Variants in CEP19 observed in about 807,000 individuals in gnomAD.
The protein encoded by CEP19 is centrosomal protein of 19 kDa.
In CEP19, 14 loss-of-function variants were observed where a neutral mutation model predicts 17.5. That is an observed-to-expected ratio of 0.80 (90% CI 0.53 to 1.25). The LOEUF (loss-of-function observed/expected upper bound fraction) is 1.25, where lower values mean the gene tolerates loss of function less well. Among genes scored for constraint, CEP19 ranks in the 50% most tolerant of loss-of-function variants. The pLI, the probability that CEP19 is intolerant of heterozygous loss-of-function variation, is 0.00. For synonymous variants in CEP19, 59 were observed against 65.5 expected (o/e 0.90, Z 0.48); for missense variants, 193 against 192.0 (o/e 1.01, Z -0.03).
Position 196,708,562 on chromosome 3 carries a change from G to A in CEP19, c.96C>T (p.Arg32=), listed in dbSNP as rs371719259. The A allele has an allele frequency of 3.1e-6, 5 of 1,614,014 alleles. No homozygotes were observed. The highest frequency in any genetic ancestry group is 1.6e-4 in the Middle Eastern group (1 of 6,084). Residue 32 remains arginine (R), a synonymous_variant, in exon 2 of 3, where the codon CGC becomes CGT. Transcript: ENST00000409690. ...TTGAAAAGTTTCGAACTGGCATAAT[G>A]CGCTGGCGAATTTTCCCCTTGATTT... ...ESEIKGKIRQ[R]IMPVRNFSKF...
At chr3:196,709,782 C>T (rs1264182079) in intron 1 of CEP19, among the ~76,000 whole-genome samples, 1 of 152,224 alleles carries the variant, frequency 6.6e-6, no homozygotes, top group Non-Finnish European at 1.5e-5. Flanking sequence ...AAAGAATACA[C>T]TTAACCCTAA....
Position 196,707,548 on chromosome 3 carries a change from G to A in CEP19, c.*3C>T. 1 of 1,599,660 alleles carries A rather than the reference G, an allele frequency of 6.3e-7. No individual in the cohort carries two copies. The highest frequency in any genetic ancestry group is 8.5e-7 in the Non-Finnish European group (1 of 1,173,944). On this transcript the variant is annotated 3_prime_UTR_variant, in exon 3 of 3. Coordinates refer to ENST00000409690, the MANE Select transcript of CEP19 (RefSeq NM_032898.5). ...GCCCAATGCATGTTTTGAGTGTTTG[G>A]TATCAGAACTCATCAGCTGACTCTG... is the stretch of plus-strand genomic sequence containing the variant.
chr3:196,710,406 A>G (rs1420410086), intron 1 of CEP19, among the ~76,000 whole-genome samples: 1 of 152,094 alleles, frequency 6.6e-6, no homozygotes, highest in Non-Finnish European at 1.5e-5. Context: ...TTAGCTGGAC[A>G]TAGTGGCAGG....
chr3:196,709,433 A>G (rs1481367487), intron 1 of CEP19, among the ~76,000 whole-genome samples: 1 of 152,234 alleles, frequency 6.6e-6, no homozygotes, highest in East Asian at 1.9e-4. Context: ...ATATCTCAGC[A>G]TAATACCTGG....
chr3:196,707,766 T>A lies in CEP19; in HGVS notation c.277A>T (p.Ile93Phe). ...GGATCAATGGTTGTTTCCCGTTGAA[T>A]TTGTTCCATTGTTTCTGCCAGACTC... is the stretch of plus-strand genomic sequence containing the variant. ...GQSLAETMEQIQRETTIDPEE... is the reference protein window; with the variant it reads ...GQSLAETMEQFQRETTIDPEE... Residue 93 changes from isoleucine (I) to phenylalanine (F), a missense_variant, in exon 3 of 3, where the codon ATT (isoleucine) becomes TTT (phenylalanine). By Grantham distance (21) the Ile-to-Phe change is conservative. Coordinates refer to ENST00000409690, the MANE Select transcript of CEP19 (RefSeq NM_032898.5). 2.5e-6 allele frequency: 4 copies of A among 1,614,218 alleles called. No individual in the cohort carries two copies. Among genetic ancestry groups the A allele is most frequent in the Non-Finnish European group, 3.4e-6 (4 of 1,180,028 alleles).
At position 196,708,739 on chromosome 3, in the gene CEP19, A is replaced by G. The variant is rs1711620576; in HGVS notation, c.-70-12T>C. On this transcript the variant is annotated splice_polypyrimidine_tract_variant and intron_variant, in intron 1 of 2. Coordinates refer to ENST00000409690, the MANE Select transcript of CEP19 (RefSeq NM_032898.5). ...ATAATGACTTCCTGCTAAAGGGAAA[A>G]AACAACTAGGTGTTGGATAAATGTC... The G allele has an allele frequency of 1.4e-6, 2 of 1,417,370 alleles. No homozygotes were observed. The highest frequency in any genetic ancestry group is 1.4e-5 in the African/African-American group (1 of 70,484). The allele number at this position is 1,417,370 out of a possible 1,614,324, so 87.8% of individuals were successfully genotyped here.
rs1207496860 is a variant in CEP19 at position 196,712,214 on chromosome 3, C to A, written c.-356G>T. 1.9e-6 allele frequency: 1 copy of A among 538,436 alleles called. No individual in the cohort carries two copies. Among genetic ancestry groups the A allele is most frequent in the Non-Finnish European group, 3.3e-6 (1 of 300,466 alleles). The allele number at this position is 538,436 out of a possible 1,614,324, so 33.4% of individuals were successfully genotyped here. On this transcript the variant is annotated 5_prime_UTR_variant, in exon 1 of 3. Coordinates refer to ENST00000409690, the MANE Select transcript of CEP19 (RefSeq NM_032898.5). ...CCTCGGCGTACAGGGATTCCAGGTC[C>A]CGGCGAGCGCTGGCCTAGCGGTTTC...
chr3:196,708,672 C>T lies in CEP19; in HGVS notation c.-15G>A. The T allele has an allele frequency of 1.2e-6, 2 of 1,612,900 alleles. No individual in the cohort carries two copies. Among genetic ancestry groups the T allele is most frequent in the South Asian group, 1.1e-5 (1 of 90,940 alleles). The stretch of plus-strand genomic sequence containing the variant: ...GTGCACATCATTCCCATGTACATGT[C>T]CGGGTAAGTCAGAGGAAATCTGATG... On this transcript the variant is annotated 5_prime_UTR_variant, in exon 2 of 3. Coordinates refer to ENST00000409690, the MANE Select transcript of CEP19 (RefSeq NM_032898.5).
At chr3:196,711,763 T>C (rs1237613862) in intron 1 of CEP19, among the ~76,000 whole-genome samples, 166 bp downstream of exon 1, 1 of 152,178 alleles carries the variant, frequency 6.6e-6, no homozygotes, top group African/African-American at 2.4e-5. Context: ...ACGGCACGTT[T>C]ATCCAATTAT....
Position 196,711,966 on chromosome 3 carries a change from A to T in CEP19, c.-108T>A. ...ACAGAAATGACATCGTCTGCAGGCCAACGTCTAAACAACCAGGAGTGGGTT... is the reference window on the plus strand; with the variant it reads ...ACAGAAATGACATCGTCTGCAGGCCTACGTCTAAACAACCAGGAGTGGGTT... On this transcript the variant is annotated 5_prime_UTR_variant, in exon 1 of 3. Transcript: ENST00000409690. 1 of 717,452 alleles carries T rather than the reference A, an allele frequency of 1.4e-6. No individual in the cohort carries two copies. The highest frequency in any genetic ancestry group is 2.6e-6 in the Non-Finnish European group (1 of 385,068). The allele number at this position is 717,452 out of a possible 1,614,324, so 44.4% of individuals were successfully genotyped here. A position where few individuals can be genotyped will look rare whatever the true frequency, so the allele number is the denominator to read the frequency against.
At chr3:196,709,659 G>A (rs1308873559) in intron 1 of CEP19, among the ~76,000 whole-genome samples, 1 of 152,156 alleles carries the variant, frequency 6.6e-6, no homozygotes, top group African/African-American at 2.4e-5. Flanking sequence ...TGTCTGCAGG[G>A]CTTTTATTTT....
chr3:196,711,569 G>A (rs530125686), intron 1 of CEP19, among the ~76,000 whole-genome samples: 1 of 152,204 alleles, frequency 6.6e-6, no homozygotes, highest in South Asian at 2.1e-4. Context: ...CAGGTGATTC[G>A]CCCAAAGTGC....
intron 2 of CEP19, 82 bp from the exon 3 acceptor site, chr3:196,707,994 G>A (rs946497142): frequency 1.7e-5 from 25 of 1,436,342 alleles, no homozygotes; most frequent in African/African-American, 1.4e-4. Context: ...AGCCAAAACA[G>A]AACAAAAACT....
chr3:196,712,196 G>T lies in CEP19; in HGVS notation c.-338C>A, dbSNP rs930659822. 1.8e-6 allele frequency: 1 copy of T among 557,612 alleles called. No homozygotes were observed. Among genetic ancestry groups the T allele is most frequent in the South Asian group, 2.3e-5 (1 of 44,292 alleles). 34.5% of individuals were successfully genotyped at this position (557,612 alleles called of 1,614,324 possible). A position where few individuals can be genotyped will look rare whatever the true frequency, so the allele number is the denominator to read the frequency against. ...CCGGTCCACCGGCTCCCACCTCGGC[G>T]TACAGGGATTCCAGGTCCCGGCGAG... On this transcript the variant is annotated 5_prime_UTR_variant, in exon 1 of 3. Transcript: ENST00000409690.
At chr3:196,708,935 A>G in intron 1 of CEP19, 1 of 354,116 alleles carries the variant, frequency 2.8e-6, no homozygotes, top group Non-Finnish European at 5.1e-6. Flanking sequence ...TATCATTCCA[A>G]TTGTGGGGTA....
chr3:196,709,605 T>C (rs75995487), intron 1 of CEP19, among the ~76,000 whole-genome samples: 27,382 of 152,256 alleles, frequency 0.18, 2,668 homozygotes, highest in Non-Finnish European at 0.22. Flanking sequence ...AGCTACATCA[T>C]ATACATCACA....
At chr3:196,708,029 A>C in intron 2 of CEP19, 117 bp from the exon 3 acceptor site, 13 of 1,155,300 alleles carry the variant, frequency 1.1e-5, no homozygotes, top group South Asian at 3.1e-5. Flanking sequence ...TATTATCTCC[A>C]TTATAGTCAA....
In CEP19 at chr3:196,707,586, A is replaced by G; in HGVS notation, c.457T>C (p.Cys153Arg). Residue 153 changes from cysteine to arginine, a missense_variant, in exon 3 of 3, where the codon TGT becomes CGT. By Grantham distance (180) the Cys-to-Arg change is radical. Coordinates refer to ENST00000409690, the MANE Select transcript of CEP19 (RefSeq NM_032898.5). ...TCAGCTGACTCTGTGTCCCAGCCAC[A>G]GGACTGCAGTTGATCGTCCTGTGGA... ...EFPQDDQLQS[C>R]GWDTESADEF 1 of 1,612,706 alleles carries G rather than the reference A, an allele frequency of 6.2e-7. No homozygotes were observed. Among genetic ancestry groups the G allele is most frequent in the Non-Finnish European group, 8.5e-7 (1 of 1,179,616 alleles).
chr3:196,709,334 G>GT (rs777022638), intron 1 of CEP19, among the ~76,000 whole-genome samples: 4 of 152,056 alleles, frequency 2.6e-5, no homozygotes, highest in Non-Finnish European at 4.4e-5. Flanking sequence ...TTTTACTAGA[G>GT]TTTTTTGTCA....
Sources: gnomAD v4.1 joint callset for allele counts (sites outside exome capture counted in the v4.1 genomes callset) on GRCh38, gnomAD v4.1.1 for gene constraint, MANE v1.5 for transcripts, NCBI Gene and HGNC (gene_info 2026-07-23, HGNC 2026-07-21) for gene names.